MCRIP2: variants seen among roughly 807,000 people sequenced by gnomAD.
MCRIP2 encodes MAPK regulated corepressor interacting protein 2.
MCRIP2 carries 21 observed loss-of-function variants against 23.2 expected under a neutral mutation model. That is an observed-to-expected ratio of 0.90 (90% CI 0.64 to 1.30). MCRIP2 has a LOEUF of 1.30. Ranked by LOEUF, MCRIP2 falls within the 50% of genes most tolerant of loss-of-function variation. The pLI, the probability that MCRIP2 is intolerant of heterozygous loss-of-function variation, is 0.00. For missense variants in MCRIP2, 234 were observed against 223.2 expected (o/e 1.05, Z -0.31); for synonymous variants, 121 against 100.2 (o/e 1.21, Z -1.24).
In MCRIP2 at chr16:647,825, G is replaced by T. The variant is rs1319984490; in HGVS notation, c.353G>T (p.Gly118Val). ...CAGCAGCTGGATGGTGGCCCAGCCG[G>T]TGAGGGCGGGCCAAGGCCTGTGCAG... ...VQQQLDGGPAGEGGPRPVQYV... is the reference protein window; with the variant it reads ...VQQQLDGGPAVEGGPRPVQYV... The change falls in exon 4 of 5, where the codon GGT (glycine) becomes GTT (valine). Residue 118 changes from glycine (G) to valine (V), a missense_variant. By Grantham distance (109) the Gly-to-Val change is moderately radical. Transcript: ENST00000307650. 6.3e-7 allele frequency: 1 copy of T among 1,578,538 alleles called. No individual in the cohort carries two copies.
chr16:643,048 G>C (rs1389381991), intron 2 of MCRIP2: 1 of 152,550 alleles, frequency 6.6e-6, no homozygotes, highest in East Asian at 1.9e-4. Context: ...CAGGTGGGGG[G>C]GTGCCGAGCC....
At chr16:644,790 A>G (rs944010491) in intron 2 of MCRIP2, among the ~76,000 whole-genome samples, 3 of 149,958 alleles carry the variant, frequency 2.0e-5, no homozygotes, top group African/African-American at 7.4e-5. Flanking sequence ...CTCATCTCTC[A>G]CTGACTGGGC....
At chr16:647,314 A>G in intron 2 of MCRIP2, 103 bp from the exon 3 acceptor site, 1 of 1,537,246 alleles carries the variant, frequency 6.5e-7, no homozygotes. Flanking sequence ...AGGCTGGCCA[A>G]GTCTGGGGAA....
chr16:643,206 A>G (rs1351616867), intron 2 of MCRIP2: 3 of 152,218 alleles, frequency 2.0e-5, no homozygotes, highest in African/African-American at 7.2e-5. Context: ...AGGTGCTTCC[A>G]GCATCCCAGC....
intron 2 of MCRIP2, chr16:643,142 G>C (rs1162323113): frequency 6.6e-6 from 1 of 152,346 alleles, no homozygotes; most frequent in Non-Finnish European, 1.5e-5. Flanking sequence ...CCATCCTAGT[G>C]AGGTAAGTGC....
rs563118020 is a variant in MCRIP2 at position 647,387 on chromosome 16, C to A, written c.183-30C>A. On this transcript the variant is annotated intron_variant, in intron 2 of 4. Transcript: ENST00000307650. Reference sequence around the variant, plus strand: ...GCAGCACCGCACCTGGGATGGGCACCAACCATGTCCGTCTCCTCCCTTCCT... The same window carrying A: ...GCAGCACCGCACCTGGGATGGGCACAAACCATGTCCGTCTCCTCCCTTCCT... 261 of 1,610,436 alleles carry A rather than the reference C, an allele frequency of 1.6e-4. 1 individual carries two copies. The highest frequency in any genetic ancestry group is 1.0e-3 in the East Asian group (45 of 44,782).
At chr16:645,402 C>G (rs1469852815) in intron 2 of MCRIP2, 1 of 152,174 alleles carries the variant, frequency 6.6e-6, no homozygotes, top group Non-Finnish European at 1.5e-5. Flanking sequence ...ATTACAGGTG[C>G]CCGCCACCAT....
chr16:644,517 C>T (rs1205072276), intron 2 of MCRIP2, among the ~76,000 whole-genome samples: 1 of 152,142 alleles, frequency 6.6e-6, no homozygotes, highest in Non-Finnish European at 1.5e-5. Flanking sequence ...AATCATGGCT[C>T]ACTGCAGCCT....
chr16:644,096 T>G (rs761695080), intron 2 of MCRIP2, among the ~76,000 whole-genome samples: 2 of 151,922 alleles, frequency 1.3e-5, no homozygotes, highest in African/African-American at 2.4e-5. Flanking sequence ...GTTTCTTTTT[T>G]TTTGAAATGG....
Position 642,100 on chromosome 16 carries a change from C to G in MCRIP2, c.53-20C>G, listed in dbSNP as rs2037355839. 3 of 1,328,146 alleles carry G rather than the reference C, an allele frequency of 2.3e-6. No homozygotes were observed. The highest frequency in any genetic ancestry group is 1.9e-5 in the South Asian group (1 of 51,504). The allele number at this position is 1,328,146 out of a possible 1,614,324, so 82.3% of individuals were successfully genotyped here. ...CGGGGCGGGGCGCGGCGGCGGCTGA[C>G]CGCCCCCCGGTGCCCGCAGGTCCCA... is the stretch of plus-strand genomic sequence containing the variant. On this transcript the variant is annotated intron_variant, in intron 1 of 4. Coordinates refer to ENST00000307650, the MANE Select transcript of MCRIP2 (RefSeq NM_138418.4).
intron 2 of MCRIP2, chr16:642,742 A>C (rs73485496): frequency 0.07 from 10,639 of 152,218 alleles, 1,205 homozygotes; most frequent in African/African-American, 0.24. Flanking sequence ...GCCTCCCCCC[A>C]TCCGGTTGCT....
At chr16:647,188 C>G in intron 2 of MCRIP2, 1 of 598,408 alleles carries the variant, frequency 1.7e-6, no homozygotes, top group Admixed American at 3.0e-5. Context: ...CACTCACTTC[C>G]CTCAGGACAC....
chr16:642,387 G>A (rs1327790022), intron 2 of MCRIP2, 138 bp downstream of exon 2: 1 of 866,224 alleles, frequency 1.2e-6, no homozygotes, highest in Non-Finnish European at 1.4e-6. Flanking sequence ...CTCCGGGCGC[G>A]GGGGGTGCGC....
In MCRIP2 at chr16:642,239, C is replaced by T. The variant is rs1008247382; in HGVS notation, c.172C>T (p.Pro58Ser). The T allele has an allele frequency of 3.3e-6, 4 of 1,210,526 alleles. No individual in the cohort carries two copies. The African/African-American group carries it at 4.8e-5, about 15-fold the overall frequency. 75.0% of individuals were successfully genotyped at this position (1,210,526 alleles called of 1,614,324 possible). The change falls in exon 2 of 5, where the codon CCC (proline) becomes TCC (serine). Residue 58 changes from proline (P) to serine (S), a missense_variant. Physicochemically the swap from Pro to Ser is moderately conservative, Grantham distance 74. Transcript: ENST00000307650. Reference protein sequence around the residue: ...QPFAQPPGPWPLSSPGPRLVF... With the variant: ...QPFAQPPGPWSLSSPGPRLVF... ...CTTTGCGCAGCCGCCGGGACCCTGG[C>T]CCCTGTCGAGGTGAGACGCGCGCGG...
intron 2 of MCRIP2, chr16:647,075 C>T (rs570107561): frequency 9.6e-6 from 3 of 314,110 alleles, no homozygotes; most frequent in South Asian, 9.5e-5. Flanking sequence ...TGATGGGATG[C>T]AGGTGGCAGC....
At position 647,206 on chromosome 16, in the gene MCRIP2, C is replaced by T. The variant is rs2037505159; in HGVS notation, c.183-211C>T. ...TCACTTCCCTCAGGACACAGGGCTGCAGGTGTGAGCTGAGCTGCCGATGGC... is the reference window on the plus strand; with the variant it reads ...TCACTTCCCTCAGGACACAGGGCTGTAGGTGTGAGCTGAGCTGCCGATGGC... On this transcript the variant is annotated intron_variant, in intron 2 of 4. Coordinates refer to ENST00000307650, the MANE Select transcript of MCRIP2 (RefSeq NM_138418.4). The T allele has an allele frequency of 8.1e-6, 5 of 614,580 alleles. No individual in the cohort carries two copies. The East Asian group carries it at 1.4e-4, about 17-fold the overall frequency. The allele number at this position is 614,580 out of a possible 1,614,324, so 38.1% of individuals were successfully genotyped here.
rs145625595 is a variant in MCRIP2 at position 648,142 on chromosome 16, C to T, written c.435C>T (p.Asp145=). The T allele has an allele frequency of 9.1e-5, 147 of 1,610,488 alleles. No homozygotes were observed. The highest frequency in any genetic ancestry group is 1.6e-4 in the East Asian group (7 of 44,842). Residue 145 remains aspartate, a synonymous_variant, in exon 5 of 5, where the codon GAC becomes GAT. Transcript: ENST00000307650. ...RLQNFVPIDL[D]EWWAQQFLAR... ...CAGACTTTGTGCCCATTGACCTAGA[C>T]GAGTGGTGGGCGCAGCAGTTCCTGG...
Position 647,554 on chromosome 16 carries a change from G to A in MCRIP2, c.310+10G>A, listed in dbSNP as rs753637659. The A allele has an allele frequency of 1.1e-5, 17 of 1,612,404 alleles. No individual in the cohort carries two copies. Among genetic ancestry groups the A allele is most frequent in the South Asian group, 7.7e-5 (7 of 91,072 alleles). On this transcript the variant is annotated intron_variant, in intron 3 of 4. Coordinates refer to ENST00000307650, the MANE Select transcript of MCRIP2 (RefSeq NM_138418.4). ...CGCTTTGTGTCCGAAGGTAGCGAGC[G>A]GGGCCAGAGGGTGCGGCATAGGCTG...
chr16:646,928 T>G lies in MCRIP2; in HGVS notation c.183-489T>G. 1 of 169,454 alleles carries G rather than the reference T, an allele frequency of 5.9e-6. No homozygotes were observed. The allele number at this position is 169,454 out of a possible 1,614,324, so 10.5% of individuals were successfully genotyped here. The stretch of plus-strand genomic sequence containing the variant: ...GTTCCCGTCCAGGTCCATCCGTCCA[T>G]GGAGGGAAACATCGTGGAGATGGAG... On this transcript the variant is annotated intron_variant, in intron 2 of 4. Transcript: ENST00000307650. This position sits in a 1 kb window ranked among gnomAD's most constrained non-coding sequence, Gnocchi z 6.5.
Sources: gnomAD v4.1 joint callset for allele counts (sites outside exome capture counted in the v4.1 genomes callset) on GRCh38, gnomAD v4.1.1 for gene constraint, Gnocchi (gnomAD v3.1) non-coding constraint, MANE v1.5 for transcripts, NCBI Gene and HGNC (gene_info 2026-07-23, HGNC 2026-07-21) for gene names.